LCA5: variants seen among roughly 807,000 people sequenced by gnomAD.
The protein encoded by LCA5 is lebercilin.
In LCA5, 37 loss-of-function variants were observed where a neutral mutation model predicts 53.0. The ratio of observed to expected loss-of-function variants is 0.70; its 90% CI spans 0.54 to 0.92. LCA5 has a LOEUF of 0.92. Among genes scored for constraint, LCA5 ranks in the 40% least tolerant of loss-of-function variants. The pLI is 0.00. For synonymous variants in LCA5, 303 were observed against 282.9 expected (o/e 1.07, Z -0.71); for missense variants, 806 against 790.5 (o/e 1.02, Z -0.23).
At chr6:79,498,651 C>T (rs1054375788) in intron 3 of LCA5, among the ~76,000 whole-genome samples, 1 of 151,756 alleles carries the variant, frequency 6.6e-6, no homozygotes, top group African/African-American at 2.4e-5. Flanking sequence ...CAATAATGAA[C>T]AATGGTGACA....
At chr6:79,497,956 C>CA (rs34167121) in intron 3 of LCA5, among the ~76,000 whole-genome samples, 19,409 of 92,490 alleles carry the variant, frequency 0.21, 1,917 homozygotes, top group African/African-American at 0.32. Flanking sequence ...GACTCCATCT[C>CA]AAAAAAAAAA....
In LCA5 at chr6:79,518,920, C is replaced by T. The variant is rs2127683105; in HGVS notation, c.-26G>A. On this transcript the variant is annotated 5_prime_UTR_variant, in exon 2 of 8. In the 5' UTR this introduces an upstream ATG that the reference lacks. Transcript: ENST00000369846. ...TGTTTTGAAAAATGGTCTCTATTCA[C>T]ATAATTTCACAGATTATTTTCTCCA... The T allele has an allele frequency of 6.2e-7, 1 of 1,606,160 alleles. No homozygotes were observed. Among genetic ancestry groups the T allele is most frequent in the Non-Finnish European group, 8.5e-7 (1 of 1,172,786 alleles).
chr6:79,524,890 G>C (rs978929119), intron 1 of LCA5, among the ~76,000 whole-genome samples: 1 of 151,810 alleles, frequency 6.6e-6, no homozygotes, highest in East Asian at 1.9e-4. Context: ...TTGTTCTTCA[G>C]ATAATTAACC....
In LCA5 at chr6:79,537,302, G is replaced by A. The variant is rs1237175286; in HGVS notation, c.-329C>T. 2 of 152,862 alleles carry A rather than the reference G, an allele frequency of 1.3e-5. No individual in the cohort carries two copies. Among genetic ancestry groups the A allele is most frequent in the African/African-American group, 4.8e-5 (2 of 41,484 alleles). 9.5% of individuals were successfully genotyped at this position (152,862 alleles called of 1,614,324 possible). ...TGCCTGGTTCCTGCGGAGGCTGCCGGGCGGGTGCCGAGGTTGCCGAGATGC... is the reference window on the plus strand; with the variant it reads ...TGCCTGGTTCCTGCGGAGGCTGCCGAGCGGGTGCCGAGGTTGCCGAGATGC... On this transcript the variant is annotated 5_prime_UTR_variant, in exon 1 of 8. Coordinates refer to ENST00000369846, the MANE Select transcript of LCA5 (RefSeq NM_001122769.3).
chr6:79,493,781 T>A, intron 3 of LCA5, 31 bp from the exon 4 acceptor site: 4 of 1,561,612 alleles, frequency 2.6e-6, no homozygotes, highest in Non-Finnish European at 3.5e-6. Context: ...AAAGCAGTCC[T>A]TTAAAAAAAT....
chr6:79,491,612 C>T lies in LCA5; in HGVS notation c.1074G>A (p.Trp358Ter). 6.2e-7 allele frequency: 1 copy of T among 1,612,972 alleles called. No individual in the cohort carries two copies. Among genetic ancestry groups the T allele is most frequent in the Non-Finnish European group, 8.5e-7 (1 of 1,179,172 alleles). Residue 358 changes from tryptophan (W) to a stop codon, truncating the protein, a stop_gained, in exon 6 of 8, where the codon TGG (tryptophan) becomes TGA (stop). Transcript: ENST00000369846. LOFTEE classifies it high-confidence loss of function. The stretch of plus-strand genomic sequence containing the variant: ...CCAAAGTAAGATGTCCTGGTTCTTC[C>T]CATTTGTTTTCGTAACACATAATTG... ...PETIMCYENKWEEPGHLTLDL... is the reference protein window; with the variant it reads ...PETIMCYENK
At chr6:79,496,092 T>C (rs1769976453) in intron 3 of LCA5, among the ~76,000 whole-genome samples, 1 of 152,154 alleles carries the variant, frequency 6.6e-6, no homozygotes, top group Non-Finnish European at 1.5e-5. Context: ...TGCTTCAATA[T>C]CGTAAGTCAT....
At chr6:79,521,794 T>G (rs572296647) in intron 1 of LCA5, among the ~76,000 whole-genome samples, 2 of 152,278 alleles carry the variant, frequency 1.3e-5, no homozygotes, top group East Asian at 3.9e-4. Flanking sequence ...AAATGCCTGA[T>G]TCCATTTCTG....
At chr6:79,533,287 T>C (rs1001363380) in intron 1 of LCA5, among the ~76,000 whole-genome samples, 1 of 152,128 alleles carries the variant, frequency 6.6e-6, no homozygotes, top group Non-Finnish European at 1.5e-5. Flanking sequence ...AGTCCATGTG[T>C]AGTTCTGCAA....
At chr6:79,538,026 T>TG (rs1767209112), upstream of LCA5, among the ~76,000 whole-genome samples, 2 of 84,088 alleles carry the variant, frequency 2.4e-5, no homozygotes, top group Non-Finnish European at 2.5e-5. Context: ...AAGTTTTTTT[T>TG]TTTTTTTTTT....
intron 2 of LCA5, 72 bp downstream of exon 2, chr6:79,518,633 T>C (rs1260978226): frequency 3.7e-6 from 5 of 1,337,576 alleles, no homozygotes; most frequent in Non-Finnish European, 5.4e-6. Flanking sequence ...AAGAGTATCA[T>C]GCACACACAT....
intron 3 of LCA5, among the ~76,000 whole-genome samples, chr6:79,510,236 C>T (rs895249375): frequency 6.6e-6 from 1 of 152,000 alleles, no homozygotes; most frequent in African/African-American, 2.4e-5. Context: ...AGTGCCAAAG[C>T]AATTCAATAA....
At chr6:79,520,138 G>A (rs542190220) in intron 1 of LCA5, among the ~76,000 whole-genome samples, 1 of 151,994 alleles carries the variant, frequency 6.6e-6, no homozygotes, top group Non-Finnish European at 1.5e-5. Context: ...GAAAAGTTAT[G>A]TGCAAATATT....
chr6:79,522,945 T>G (rs1314052180), intron 1 of LCA5, among the ~76,000 whole-genome samples: 1 of 151,996 alleles, frequency 6.6e-6, no homozygotes, highest in Non-Finnish European at 1.5e-5. Flanking sequence ...TAGAGATATA[T>G]GTTCAAATAT....
At chr6:79,499,400 G>A (rs954063439) in intron 3 of LCA5, among the ~76,000 whole-genome samples, 1 of 152,024 alleles carries the variant, frequency 6.6e-6, no homozygotes, top group South Asian at 2.1e-4. Flanking sequence ...AGCAAGGAGA[G>A]TAGAAAAAGG....
intron 3 of LCA5, among the ~76,000 whole-genome samples, chr6:79,500,426 A>G (rs1014403217): frequency 5.3e-5 from 8 of 152,216 alleles, no homozygotes; most frequent in African/African-American, 1.9e-4. Flanking sequence ...TAATTAGTAA[A>G]GGATTATAGA....
intron 1 of LCA5, among the ~76,000 whole-genome samples, chr6:79,534,964 T>C (rs927636106): frequency 6.6e-6 from 1 of 152,132 alleles, no homozygotes; most frequent in Admixed American, 6.5e-5. Flanking sequence ...AAAATACATG[T>C]GGAATTTTGA....
upstream of LCA5, among the ~76,000 whole-genome samples, chr6:79,537,966 A>T (rs1208544699): frequency 1.0e-4 from 12 of 119,166 alleles, no homozygotes; most frequent in African/African-American, 3.9e-4. Flanking sequence ...AGTGATTTTT[A>T]GGTTTTGGAA....
At chr6:79,513,151 C>T in intron 3 of LCA5, 61 bp downstream of exon 3, 3 of 1,475,320 alleles carry the variant, frequency 2.0e-6, no homozygotes, top group Non-Finnish European at 1.9e-6. Context: ...TAAGAGAGCA[C>T]ATTAAATGCC....
Sources: gnomAD v4.1 joint callset for allele counts (sites outside exome capture counted in the v4.1 genomes callset) on GRCh38, gnomAD v4.1.1 for gene constraint, MANE v1.5 for transcripts, NCBI Gene and HGNC (gene_info 2026-07-23, HGNC 2026-07-21) for gene names.